SH3RF3: variants seen among roughly 807,000 people sequenced by gnomAD.
SH3RF3 encodes SH3 domain containing ring finger 3.
A neutral mutation model predicts 66.3 loss-of-function variants in SH3RF3; 29 were observed. The ratio of observed to expected loss-of-function variants is 0.44; its 90% CI spans 0.33 to 0.60. The LOEUF is 0.60. Ranked by LOEUF, SH3RF3 falls within the 20% of genes least tolerant of loss-of-function variation. SH3RF3 has a pLI of 0.04. For missense variants in SH3RF3, 1,194 were observed against 1,190.9 expected (o/e 1.00, Z -0.04); for synonymous variants, 583 against 532.0 (o/e 1.10, Z -1.32).
chr2:109,208,665 T>C (rs1464303410), intron 1 of SH3RF3, among the ~76,000 whole-genome samples: 1 of 148,588 alleles, frequency 6.7e-6, no homozygotes, highest in East Asian at 2.1e-4. Context: ...AAGTTTGTTA[T>C]GTAACAATAG....
At chr2:109,167,861 G>C (rs1677667338) in intron 1 of SH3RF3, among the ~76,000 whole-genome samples, 1 of 152,202 alleles carries the variant, frequency 6.6e-6, no homozygotes, top group East Asian at 1.9e-4. Context: ...GTGAGCCACT[G>C]CACCCAGCCT....
intron 1 of SH3RF3, among the ~76,000 whole-genome samples, chr2:109,206,068 G>A (rs17269661): frequency 0.3 from 45,636 of 152,072 alleles, 7,708 homozygotes; most frequent in Non-Finnish European, 0.39. Flanking sequence ...CAGCCTCCGC[G>A]GTGGGCATTG....
At chr2:109,240,164 C>G (rs942263474) in intron 1 of SH3RF3, among the ~76,000 whole-genome samples, 1 of 152,198 alleles carries the variant, frequency 6.6e-6, no homozygotes, top group Non-Finnish European at 1.5e-5. Context: ...AACCATGGAT[C>G]ACCCATTTAT....
intron 1 of SH3RF3, among the ~76,000 whole-genome samples, chr2:109,153,201 T>G (rs1449516999): frequency 6.6e-6 from 1 of 152,216 alleles, no homozygotes; most frequent in East Asian, 1.9e-4. Flanking sequence ...TGCTAAACCC[T>G]GCTATGGGTG....
intron 1 of SH3RF3, among the ~76,000 whole-genome samples, chr2:109,225,457 T>C (rs889836948): frequency 1.3e-5 from 2 of 152,154 alleles, no homozygotes; most frequent in African/African-American, 4.8e-5. Flanking sequence ...CCTTTAAAGA[T>C]ACAGGCCAGG....
intron 1 of SH3RF3, among the ~76,000 whole-genome samples, chr2:109,212,574 G>A (rs1273597168): frequency 1.3e-5 from 2 of 152,226 alleles, no homozygotes; most frequent in African/African-American, 4.8e-5. Flanking sequence ...GTGGCTTGAG[G>A]AGAAGTCGGC....
intron 5 of SH3RF3, among the ~76,000 whole-genome samples, chr2:109,427,291 G>T (rs1232843814): frequency 6.6e-6 from 1 of 151,384 alleles, no homozygotes; most frequent in African/African-American, 2.5e-5. Context: ...TCTTAATTAA[G>T]GTACTTACAT....
intron 1 of SH3RF3, chr2:109,251,348 C>G: frequency 1.8e-6 from 1 of 551,062 alleles, no homozygotes; most frequent in Non-Finnish European, 3.4e-6. Flanking sequence ...GCAAGACACC[C>G]GGCCTGCCGC....
Position 109,266,452 on chromosome 2 carries a change from A to C in SH3RF3, c.574-81222A>C, listed in dbSNP as rs568723943. Reference sequence around the variant, plus strand: ...CAAGTCTGAGGACTTGACAAGGGACACCTATGTTTGGGAGTGGTCCCAGAA... The same window carrying C: ...CAAGTCTGAGGACTTGACAAGGGACCCCTATGTTTGGGAGTGGTCCCAGAA... On this transcript the variant is annotated intron_variant, in intron 1 of 9. Transcript: ENST00000309415. 3.3e-5 allele frequency among the ~76,000 whole-genome samples: 5 copies of C among 152,214 alleles called. No homozygotes were observed. The South Asian group carries it at 1.0e-3, about 32-fold the overall frequency.
chr2:109,493,200 AT>A (rs1477672767), intron 9 of SH3RF3, among the ~76,000 whole-genome samples: 1 of 150,104 alleles, frequency 6.7e-6, no homozygotes, highest in Admixed American at 6.6e-5. Context: ...CCACACATAT[AT>A]CATATAAACA....
At chr2:109,447,300 G>A (rs890043355) in intron 7 of SH3RF3, among the ~76,000 whole-genome samples, 1 of 152,004 alleles carries the variant, frequency 6.6e-6, no homozygotes, top group African/African-American at 2.4e-5. Context: ...TCTCACCAGC[G>A]CTTCACACAC....
chr2:109,362,199 G>C (rs1335892339), intron 2 of SH3RF3, among the ~76,000 whole-genome samples: 1 of 151,986 alleles, frequency 6.6e-6, no homozygotes, highest in Non-Finnish European at 1.5e-5. Flanking sequence ...GATGCATTCA[G>C]TGCTATAAAT....
At chr2:109,343,889 A>G (rs1356356666) in intron 1 of SH3RF3, among the ~76,000 whole-genome samples, 1 of 151,980 alleles carries the variant, frequency 6.6e-6, no homozygotes, top group African/African-American at 2.4e-5. Flanking sequence ...GACTACAGGT[A>G]CTTGCCACCA....
chr2:109,244,607 A>G (rs7586264), intron 1 of SH3RF3, among the ~76,000 whole-genome samples: 38,227 of 152,138 alleles, frequency 0.25, 5,226 homozygotes, highest in East Asian at 0.46. Context: ...CAGGATGAGG[A>G]AAACCCAAGA....
Position 109,413,233 on chromosome 2 carries a change from G to A in SH3RF3, c.1300-6306G>A, listed in dbSNP as rs974566262. Among the ~76,000 whole-genome samples, 109 of 152,318 alleles carry A rather than the reference G, an allele frequency of 7.2e-4. 2 individuals carry two copies. The highest frequency in any genetic ancestry group is 7.1e-3 in the Admixed American group (109 of 15,304). ...GGGTTCAAACGATTCTCCTGCCTGA[G>A]CCTCCCAAGTAACTGGGATTACAGG... On this transcript the variant is annotated intron_variant, in intron 4 of 9. Transcript: ENST00000309415.
intron 1 of SH3RF3, among the ~76,000 whole-genome samples, chr2:109,280,065 A>G (rs1680846954): frequency 6.6e-6 from 1 of 151,812 alleles, no homozygotes; most frequent in Non-Finnish European, 1.5e-5. Context: ...CTCCCCTCCT[A>G]TTTTTTTCGA....
intron 1 of SH3RF3, among the ~76,000 whole-genome samples, chr2:109,272,319 T>C (rs1054493102): frequency 4.6e-5 from 7 of 152,152 alleles, no homozygotes; most frequent in African/African-American, 1.2e-4. Flanking sequence ...CCCCTGAGGG[T>C]ACCTCTGAAA....
intron 1 of SH3RF3, among the ~76,000 whole-genome samples, chr2:109,315,811 C>T (rs1237240049): frequency 2.6e-5 from 4 of 152,272 alleles, no homozygotes; most frequent in Middle Eastern, 3.4e-3. Context: ...GGGACGTCGT[C>T]GCTTTTCCAC....
intron 1 of SH3RF3, among the ~76,000 whole-genome samples, chr2:109,150,872 T>A (rs1319093700): frequency 6.6e-6 from 1 of 151,952 alleles, no homozygotes; most frequent in Non-Finnish European, 1.5e-5. Flanking sequence ...TGAAAAAAAA[T>A]ATGGGCATAT....
Sources: allele counts gnomAD v4.1 joint callset (sites outside exome capture counted in the v4.1 genomes callset), GRCh38; gene constraint gnomAD v4.1.1; transcripts MANE v1.5; gene names NCBI Gene and HGNC (gene_info 2026-07-23, HGNC 2026-07-21).